The following ROR2 variants were observed in gnomAD, a reference collection of about 807,000 sequenced individuals.
The protein encoded by ROR2 is ROR family WNT receptor 2.
Under a neutral mutation model 74.9 loss-of-function variants are expected in ROR2, and 33 were observed. The observed-to-expected ratio is 0.44, with a 90% CI of 0.33 to 0.59. The LOEUF is 0.59. Among genes scored for constraint, ROR2 ranks in the 20% least tolerant of loss-of-function variants. ROR2 has a pLI of 0.02. For missense variants in ROR2, 1,216 were observed against 1,313.8 expected (o/e 0.93, Z 1.15); for synonymous variants, 586 against 558.7 (o/e 1.05, Z -0.69).
At chr9:91,918,067 C>A (rs531010269) in intron 1 of ROR2, among the ~76,000 whole-genome samples, 1 of 151,958 alleles carries the variant, frequency 6.6e-6, no homozygotes, top group Admixed American at 6.6e-5. Context: ...GTCAGGAGAT[C>A]GAGACCATCC....
Position 91,725,232 on chromosome 9 carries a change from G to A in ROR2, c.1387-125C>T, listed in dbSNP as rs745904580. ...ACTAGGGGGGCCTTGCAGAAGACCC[G>A]CTGGTTTTGCCCACCCAGCCTTGGC... On this transcript the variant is annotated intron_variant, in intron 8 of 8. Coordinates refer to ENST00000375708, the MANE Select transcript of ROR2 (RefSeq NM_004560.4). 1.9e-5 allele frequency: 29 copies of A among 1,541,146 alleles called. No individual in the cohort carries two copies. The Middle Eastern group carries it at 5.7e-4, about 30-fold the overall frequency.
Position 91,775,779 on chromosome 9 carries a change from G to A in ROR2, c.137C>T (p.Pro46Leu). The A allele has an allele frequency of 6.2e-7, 1 of 1,614,142 alleles. No homozygotes were observed. Among genetic ancestry groups the A allele is most frequent in the Non-Finnish European group, 8.5e-7 (1 of 1,180,034 alleles). Residue 46 changes from proline to leucine, a missense_variant, in exon 2 of 9, where the codon CCC becomes CTC. Transcript: ENST00000375708. ...AATCGGGCCGTCCTGCCCATCAAGG[G>A]GTCCTAAAGGGTCGTTCGGATCCAG... is the stretch of plus-strand genomic sequence containing the variant. ...EVLDPNDPLG[P>L]LDGQDGPIPT...
intron 1 of ROR2, among the ~76,000 whole-genome samples, chr9:91,817,856 G>A (rs1827997964): frequency 6.6e-6 from 1 of 152,122 alleles, no homozygotes; most frequent in African/African-American, 2.4e-5. Flanking sequence ...AGGGGAAAGA[G>A]GGAGGAGAGG....
At chr9:91,744,371 A>G (rs1825341521) in intron 4 of ROR2, among the ~76,000 whole-genome samples, 1 of 151,666 alleles carries the variant, frequency 6.6e-6, no homozygotes, top group South Asian at 2.1e-4. Flanking sequence ...ACAGGCAGTC[A>G]CCACCACACC....
rs550592599 is a variant in ROR2 at position 91,909,470 on chromosome 9, C to T, written c.97+40397G>A. On this transcript the variant is annotated intron_variant, in intron 1 of 8. Coordinates refer to ENST00000375708, the MANE Select transcript of ROR2 (RefSeq NM_004560.4). Reference sequence around the variant, plus strand: ...CAAGCAATCCTCCTGACTCATCCTCCCGAGTAGCTGGCACCACAGGCATGC... The same window carrying T: ...CAAGCAATCCTCCTGACTCATCCTCTCGAGTAGCTGGCACCACAGGCATGC... 5.9e-5 allele frequency among the ~76,000 whole-genome samples: 9 copies of T among 152,194 alleles called. No individual in the cohort carries two copies. The East Asian group carries it at 1.7e-3, about 29-fold the overall frequency.
intron 4 of ROR2, among the ~76,000 whole-genome samples, chr9:91,750,485 G>A (rs967058803): frequency 4.6e-5 from 7 of 152,158 alleles, no homozygotes; most frequent in African/African-American, 1.2e-4. Context: ...CATCTTCTCC[G>A]TAAGGCACAT....
intron 2 of ROR2, among the ~76,000 whole-genome samples, chr9:91,773,266 A>G (rs931683258): frequency 3.3e-5 from 5 of 152,220 alleles, no homozygotes; most frequent in Non-Finnish European, 7.3e-5. Flanking sequence ...GAATGACTCA[A>G]GTTGGATTCT....
At chr9:91,825,875 A>AAGAG (rs1828272116) in intron 1 of ROR2, among the ~76,000 whole-genome samples, 1 of 152,244 alleles carries the variant, frequency 6.6e-6, no homozygotes, top group African/African-American at 2.4e-5. Context: ...ATTCTGAGGC[A>AAGAG]AGAGAAAGAA....
At chr9:91,772,715 C>T (rs560911830) in intron 2 of ROR2, among the ~76,000 whole-genome samples, 1 of 152,316 alleles carries the variant, frequency 6.6e-6, no homozygotes, top group South Asian at 2.1e-4. Context: ...AATCAATCAA[C>T]TCCTTTCGGT....
chr9:91,827,574 CG>C (rs1563985862), intron 1 of ROR2, among the ~76,000 whole-genome samples: 2 of 152,130 alleles, frequency 1.3e-5, no homozygotes, highest in African/African-American at 4.8e-5. Context: ...CTACTCAGGA[CG>C]GATTCCTAGA....
At chr9:91,737,760 A>G (rs1286179414) in intron 4 of ROR2, among the ~76,000 whole-genome samples, 1 of 152,232 alleles carries the variant, frequency 6.6e-6, no homozygotes, top group East Asian at 1.9e-4. Context: ...GTGAATGGAT[A>G]AACAAACTGT....
intron 2 of ROR2, among the ~76,000 whole-genome samples, chr9:91,768,116 T>C (rs1216903528): frequency 6.6e-6 from 1 of 152,058 alleles, no homozygotes; most frequent in Non-Finnish European, 1.5e-5. Flanking sequence ...TTGCCAGCAA[T>C]GCCTGGAGCT....
chr9:91,842,593 C>T (rs1438684364), intron 1 of ROR2, among the ~76,000 whole-genome samples: 2 of 152,258 alleles, frequency 1.3e-5, no homozygotes, highest in Admixed American at 1.3e-4. Flanking sequence ...CAGCCCACTT[C>T]CAATTGTCCA....
At chr9:91,909,836 AG>A (rs1830909225) in intron 1 of ROR2, among the ~76,000 whole-genome samples, 1 of 33,016 alleles carries the variant, frequency 3.0e-5, no homozygotes, top group African/African-American at 1.5e-4. Context: ...TTTTTTTTTT[AG>A]GTTTGTTTTG....
At chr9:91,810,245 C>T (rs1181064252) in intron 1 of ROR2, among the ~76,000 whole-genome samples, 2 of 152,114 alleles carry the variant, frequency 1.3e-5, no homozygotes, top group Non-Finnish European at 2.9e-5. Flanking sequence ...ACTGGGCTGG[C>T]GTCTTTGGGA....
At chr9:91,771,354 C>G (rs1326731444) in intron 2 of ROR2, among the ~76,000 whole-genome samples, 3 of 152,236 alleles carry the variant, frequency 2.0e-5, no homozygotes, top group African/African-American at 7.2e-5. Context: ...TTTCAAAACA[C>G]AAGCTGTATT....
intron 1 of ROR2, among the ~76,000 whole-genome samples, chr9:91,823,071 G>A (rs547640266): frequency 6.6e-6 from 1 of 152,174 alleles, no homozygotes; most frequent in East Asian, 1.9e-4. Context: ...GGCTATTTTA[G>A]ATTAAAGAGT....
At chr9:91,893,815 C>T (rs1380482706) in intron 1 of ROR2, among the ~76,000 whole-genome samples, 4 of 152,158 alleles carry the variant, frequency 2.6e-5, no homozygotes, top group African/African-American at 7.2e-5. Context: ...CCTGCCATTT[C>T]GGAGAGACTT....
chr9:91,780,394 A>G (rs1367316500), intron 1 of ROR2, among the ~76,000 whole-genome samples: 11 of 151,634 alleles, frequency 7.3e-5, no homozygotes, highest in South Asian at 4.2e-4. Context: ...AATGAAAGAA[A>G]GAAAGAAAGA....
Sources: gnomAD v4.1 joint callset for allele counts (sites outside exome capture counted in the v4.1 genomes callset) on GRCh38, gnomAD v4.1.1 for gene constraint, MANE v1.5 for transcripts, NCBI Gene and HGNC (gene_info 2026-07-23, HGNC 2026-07-21) for gene names.